Variants in TOX observed in about 807,000 individuals in gnomAD.
TOX encodes thymocyte selection associated high mobility group box.
A neutral mutation model predicts 53.7 loss-of-function variants in TOX; 11 were observed. The ratio of observed to expected loss-of-function variants is 0.20; its 90% CI spans 0.13 to 0.34. The LOEUF (loss-of-function observed/expected upper bound fraction) is 0.34, where lower values mean the gene tolerates loss of function less well. Ranked by LOEUF, TOX falls within the 10% of genes least tolerant of loss-of-function variation. The pLI is 1.00. For missense variants in TOX, 570 were observed against 664.6 expected (o/e 0.86, Z 1.56); for synonymous variants, 225 against 245.3 (o/e 0.92, Z 0.77).
chr8:59,021,481 A>AAAAATATAC (rs59174995), intron 1 of TOX, among the ~76,000 whole-genome samples: 1 of 64,738 alleles, frequency 1.5e-5, no homozygotes, highest in African/African-American at 5.3e-5. Flanking sequence ...AAAAAAAAAA[A>AAAAATATAC]ATATATATAT....
chr8:58,984,492 C>T (rs1303530151), intron 1 of TOX, among the ~76,000 whole-genome samples: 2 of 152,070 alleles, frequency 1.3e-5, no homozygotes, highest in Non-Finnish European at 2.9e-5. Flanking sequence ...GGATGGCTAT[C>T]ATAAAAATTG....
intron 1 of TOX, among the ~76,000 whole-genome samples, chr8:58,986,026 T>C (rs1277990503): frequency 6.6e-6 from 1 of 152,146 alleles, no homozygotes; most frequent in African/African-American, 2.4e-5. Flanking sequence ...CTGATTATTG[T>C]TCAAATATTA....
At position 58,936,971 on chromosome 8, in the gene TOX, T is replaced by A. The variant is rs143777251; in HGVS notation, c.411+2331A>T. Reference sequence around the variant, plus strand: ...ATTTAATAGCCAGTGACTACTGCTGTTGGACAGCACAGATTATAGAAGAGC... The same window carrying A: ...ATTTAATAGCCAGTGACTACTGCTGATGGACAGCACAGATTATAGAAGAGC... On this transcript the variant is annotated intron_variant, in intron 3 of 8. Transcript: ENST00000361421. 2.0e-5 allele frequency among the ~76,000 whole-genome samples: 3 copies of A among 152,332 alleles called. No individual in the cohort carries two copies. The East Asian group carries it at 5.8e-4, about 29-fold the overall frequency.
At chr8:58,973,470 G>A (rs757622537) in intron 1 of TOX, among the ~76,000 whole-genome samples, 1 of 152,124 alleles carries the variant, frequency 6.6e-6, no homozygotes, top group Non-Finnish European at 1.5e-5. Flanking sequence ...AAGCCTCGGA[G>A]GCTCCACGCA....
chr8:58,895,149 C>T (rs1811621598), intron 3 of TOX, among the ~76,000 whole-genome samples: 1 of 152,174 alleles, frequency 6.6e-6, no homozygotes, highest in Admixed American at 6.5e-5. Flanking sequence ...GATTGCACCA[C>T]TGCACTCCAG....
At position 59,037,696 on chromosome 8, in the gene TOX, G is replaced by T. The variant is rs550167527; in HGVS notation, c.103-77688C>A. Among the ~76,000 whole-genome samples, 169 of 151,756 alleles carry T rather than the reference G, an allele frequency of 1.1e-3. 1 individual carries two copies. Among genetic ancestry groups the T allele is most frequent in the Non-Finnish European group, 2.9e-4 (20 of 67,942 alleles). ...AGGCACCTGTAATCCTAGCTACTTG[G>T]GGGGCTGAAGCAGGAGAATTGCTTG... On this transcript the variant is annotated intron_variant, in intron 1 of 8. Coordinates refer to ENST00000361421, the MANE Select transcript of TOX (RefSeq NM_014729.3).
At chr8:58,936,224 C>T (rs1196908603) in intron 3 of TOX, among the ~76,000 whole-genome samples, 2 of 152,168 alleles carry the variant, frequency 1.3e-5, no homozygotes, top group African/African-American at 4.8e-5. Context: ...GATTTTTGAA[C>T]ACTCTCCAAC....
chr8:59,058,367 GA>G (rs1408674578), intron 1 of TOX, among the ~76,000 whole-genome samples: 1 of 152,188 alleles, frequency 6.6e-6, no homozygotes, highest in Non-Finnish European at 1.5e-5. Context: ...AGGTGGGAAT[GA>G]AAAATAGCAT....
intron 1 of TOX, among the ~76,000 whole-genome samples, chr8:58,973,162 A>G (rs1231999985): frequency 6.6e-6 from 1 of 152,184 alleles, no homozygotes; most frequent in Admixed American, 6.5e-5. Flanking sequence ...TATAGTACCT[A>G]TTCCCCATTC....
chr8:59,012,231 T>C (rs16924419), intron 1 of TOX, among the ~76,000 whole-genome samples: 12,591 of 152,194 alleles, frequency 0.083, 562 homozygotes, highest in Middle Eastern at 0.16. Context: ...GATAAGGCAA[T>C]TGGAGGACCT....
intron 1 of TOX, among the ~76,000 whole-genome samples, chr8:59,067,456 A>C (rs1804114145): frequency 1.3e-5 from 2 of 152,226 alleles, no homozygotes; most frequent in South Asian, 4.1e-4. Flanking sequence ...TGGGGGGCTG[A>C]GGCACGAGAA....
chr8:58,856,004 G>A (rs1025567683), intron 3 of TOX, among the ~76,000 whole-genome samples: 6 of 152,088 alleles, frequency 3.9e-5, no homozygotes. Context: ...CCCTTTGAGG[G>A]AGCCATGTAG....
At chr8:59,035,428 T>C (rs539583538) in intron 1 of TOX, among the ~76,000 whole-genome samples, 16 of 152,252 alleles carry the variant, frequency 1.1e-4, no homozygotes, top group Admixed American at 8.5e-4. Context: ...CAGTGGCTAG[T>C]CACAGAGGCA....
chr8:59,074,453 T>C (rs1377141303), intron 1 of TOX, among the ~76,000 whole-genome samples: 1 of 152,172 alleles, frequency 6.6e-6, no homozygotes, highest in Non-Finnish European at 1.5e-5. Context: ...TGAACATCTA[T>C]CTACGAGGTA....
At chr8:59,020,159 T>G (rs893144903) in intron 1 of TOX, among the ~76,000 whole-genome samples, 1 of 152,194 alleles carries the variant, frequency 6.6e-6, no homozygotes, top group African/African-American at 2.4e-5. Flanking sequence ...AAAACCACTA[T>G]AGAAAGTATT....
chr8:58,949,369 G>C (rs1812579594), intron 2 of TOX, among the ~76,000 whole-genome samples: 1 of 152,138 alleles, frequency 6.6e-6, no homozygotes, highest in Non-Finnish European at 1.5e-5. Flanking sequence ...CATTTAGGAT[G>C]TTTCGGATAT....
chr8:59,046,465 C>A (rs978192997), intron 1 of TOX, among the ~76,000 whole-genome samples: 6 of 152,142 alleles, frequency 3.9e-5, no homozygotes, highest in African/African-American at 1.4e-4. Context: ...TAAATAATAA[C>A]CTAGGTGTTA....
At chr8:59,095,004 T>C (rs1271836982) in intron 1 of TOX, among the ~76,000 whole-genome samples, 1 of 152,248 alleles carries the variant, frequency 6.6e-6, no homozygotes, top group Non-Finnish European at 1.5e-5. Flanking sequence ...GATGCTGTTA[T>C]TCAAAGTTCA....
Position 59,008,539 on chromosome 8 carries a change from C to T in TOX, c.103-48531G>A, listed in dbSNP as rs555374010. Among the ~76,000 whole-genome samples the T allele has an allele frequency of 3.7e-4, 56 of 152,258 alleles. No individual in the cohort carries two copies. In the East Asian group the frequency reaches 0.01, roughly 27 times the overall value. On this transcript the variant is annotated intron_variant, in intron 1 of 8. Transcript: ENST00000361421. ...CACGTGGCAGGCCACACAGAGACTG[C>T]TAAGCCATCACCTGAGAGTGGGTCT...
Sources: gnomAD v4.1 joint callset for allele counts (sites outside exome capture counted in the v4.1 genomes callset) on GRCh38, gnomAD v4.1.1 for gene constraint, MANE v1.5 for transcripts, NCBI Gene and HGNC (gene_info 2026-07-23, HGNC 2026-07-21) for gene names.